Variants in NOL4 observed in about 807,000 individuals in gnomAD.
NOL4 encodes nucleolar protein 4, also known as cancer/testis antigen 125.
In NOL4, 17 loss-of-function variants were observed where a neutral mutation model predicts 75.9. The observed-to-expected ratio is 0.22, with a 90% CI of 0.15 to 0.34. NOL4 has a LOEUF of 0.34. Ranked by LOEUF, NOL4 falls within the 10% of genes least tolerant of loss-of-function variation. The probability of loss-of-function intolerance (pLI) is 1.00; values close to 1 mark genes in which losing one functional copy is unlikely to be tolerated. For synonymous variants in NOL4, 292 were observed against 289.9 expected, an observed-to-expected ratio of 1.01 and a Z score of -0.07; for missense variants, 614 against 793.5, an observed-to-expected ratio of 0.77 and a Z score of 2.72.
chr18:34,223,341 C>A lies in NOL4; in HGVS notation c.-88G>T. ...CTCATGAAAAATGCAGCCCCGGCCA[C>A]GTTGCAGGGATGCGAGGTCCCGGCC... On this transcript the variant is annotated 5_prime_UTR_variant, in exon 1 of 11. Coordinates refer to ENST00000261592, the MANE Select transcript of NOL4 (RefSeq NM_003787.5). 6.5e-7 allele frequency: 1 copy of A among 1,531,548 alleles called. No homozygotes were observed. Among genetic ancestry groups the A allele is most frequent in the East Asian group, 2.3e-5 (1 of 44,172 alleles). 94.9% of individuals were successfully genotyped at this position (1,531,548 alleles called of 1,614,324 possible).
At chr18:33,966,824 CAG>C (rs1462204507) in intron 6 of NOL4, among the ~76,000 whole-genome samples, 83 of 152,120 alleles carry the variant, frequency 5.5e-4, no homozygotes, top group Non-Finnish European at 5.9e-5. Flanking sequence ...TTAAAGAAAT[CAG>C]AGATGACATA....
intron 1 of NOL4, among the ~76,000 whole-genome samples, chr18:34,217,776 A>G (rs1448363160): frequency 1.3e-5 from 2 of 151,986 alleles, no homozygotes; most frequent in Non-Finnish European, 1.5e-5. Flanking sequence ...GTATGTGTAT[A>G]TATGTGTGCA....
chr18:33,973,156 GTTTGTTTA>G (rs1394899030), intron 6 of NOL4, among the ~76,000 whole-genome samples: 1 of 152,144 alleles, frequency 6.6e-6, no homozygotes, highest in East Asian at 1.9e-4. Context: ...AAATCTTTTT[GTTTGTTTA>G]TTTGTTTGTT....
intron 2 of NOL4, among the ~76,000 whole-genome samples, chr18:34,105,795 T>A (rs1172840245): frequency 1.3e-5 from 2 of 152,064 alleles, no homozygotes; most frequent in Non-Finnish European, 2.9e-5. Flanking sequence ...TAGCTCACAC[T>A]GACTGTCAGA....
intron 5 of NOL4, among the ~76,000 whole-genome samples, chr18:34,077,453 TCA>T (rs1438473734): frequency 1.3e-5 from 2 of 151,644 alleles, no homozygotes; most frequent in African/African-American, 2.4e-5. Context: ...ACACACACAA[TCA>T]CACACACATA....
At chr18:33,869,570 T>C (rs868479304) in intron 10 of NOL4, among the ~76,000 whole-genome samples, 2 of 152,022 alleles carry the variant, frequency 1.3e-5, no homozygotes, top group African/African-American at 4.8e-5. Context: ...ATCACTAAAC[T>C]AAACCAAAGG....
intron 9 of NOL4, among the ~76,000 whole-genome samples, chr18:33,913,189 C>T (rs1054429215): frequency 6.6e-6 from 1 of 151,776 alleles, no homozygotes; most frequent in African/African-American, 2.4e-5. Context: ...TGAAATTGTT[C>T]AAATTATCTT....
rs760492526 is a variant in NOL4, at chr18:33,958,303, T to C, written c.1172A>G (p.His391Arg). ...GDEDEDDHEDHDDSEKVNETD... is the reference protein window; with the variant it reads ...GDEDEDDHEDRDDSEKVNETD... ...CTCATTAACTTTCTCCGAATCGTCA[T>C]GGTCCTCGTGGTCATCTTCGTCCTC... Residue 391 changes from histidine to arginine, a missense_variant, in exon 7 of 11, where the codon CAT becomes CGT. Physicochemically the swap from His to Arg is conservative, Grantham distance 29. Coordinates refer to ENST00000261592, the MANE Select transcript of NOL4 (RefSeq NM_003787.5). 5 of 1,613,802 alleles carry C rather than the reference T, an allele frequency of 3.1e-6. No individual in the cohort carries two copies. In the South Asian group the frequency reaches 3.3e-5, roughly 11 times the overall value.
At chr18:34,009,173 G>C (rs2074231859) in intron 6 of NOL4, among the ~76,000 whole-genome samples, 1 of 151,800 alleles carries the variant, frequency 6.6e-6, no homozygotes, top group African/African-American at 2.4e-5. Context: ...AAGGAGCAGA[G>C]ATAAGACATC....
chr18:34,065,496 C>T (rs1202429324), intron 5 of NOL4, among the ~76,000 whole-genome samples: 1 of 151,758 alleles, frequency 6.6e-6, no homozygotes, highest in African/African-American at 2.4e-5. Context: ...AGTAACTACC[C>T]AATAATTTCA....
chr18:34,023,401 A>T (rs1344186980), intron 5 of NOL4: 1 of 456,138 alleles, frequency 2.2e-6, no homozygotes, highest in East Asian at 7.0e-5. Flanking sequence ...ACCAATTCAT[A>T]TCAGGTCATC....
intron 5 of NOL4, among the ~76,000 whole-genome samples, chr18:34,052,233 T>C (rs1207993910): frequency 6.6e-6 from 1 of 151,948 alleles, no homozygotes; most frequent in African/African-American, 2.4e-5. Context: ...TGCTCAAAAA[T>C]ATTCCTTTAG....
At chr18:34,184,175 G>A (rs2034273322) in intron 1 of NOL4, among the ~76,000 whole-genome samples, 4 of 151,582 alleles carry the variant, frequency 2.6e-5, no homozygotes. Context: ...TAATTTCAAA[G>A]CTTCAGCCGA....
chr18:34,045,799 A>G (rs1457338899), intron 5 of NOL4, among the ~76,000 whole-genome samples: 2 of 152,182 alleles, frequency 1.3e-5, no homozygotes, highest in Admixed American at 6.6e-5. Context: ...ATAGTATTGA[A>G]TCAAATATGC....
chr18:33,941,077 A>G (rs2068448066), intron 9 of NOL4, among the ~76,000 whole-genome samples: 1 of 152,030 alleles, frequency 6.6e-6, no homozygotes, highest in African/African-American at 2.4e-5. Flanking sequence ...GAGATATTAA[A>G]GCAAATAACA....
At chr18:33,859,747 A>T (rs1567966017) in intron 10 of NOL4, among the ~76,000 whole-genome samples, 1 of 151,898 alleles carries the variant, frequency 6.6e-6, no homozygotes, top group South Asian at 2.1e-4. Flanking sequence ...GGTGAAACCT[A>T]GTCTTTACTA....
chr18:34,015,340 C>T (rs982264527), intron 6 of NOL4, among the ~76,000 whole-genome samples: 1 of 151,940 alleles, frequency 6.6e-6, no homozygotes, highest in Non-Finnish European at 1.5e-5. Context: ...GTTTCTTCTG[C>T]CATGTGATTT....
intron 5 of NOL4, among the ~76,000 whole-genome samples, chr18:34,073,789 C>T (rs564810632): frequency 5.3e-5 from 8 of 151,970 alleles, no homozygotes; most frequent in African/African-American, 1.9e-4. Context: ...AAATAAAAAA[C>T]TAGGCATTTG....
At chr18:34,056,896 C>T (rs2076855806) in intron 5 of NOL4, among the ~76,000 whole-genome samples, 1 of 152,160 alleles carries the variant, frequency 6.6e-6, no homozygotes, top group Admixed American at 6.5e-5. Context: ...ATCTTGCCAA[C>T]ATCACTTTCT....
Sources: gnomAD v4.1 joint callset for allele counts (sites outside exome capture counted in the v4.1 genomes callset) on GRCh38, gnomAD v4.1.1 for gene constraint, MANE v1.5 for transcripts, NCBI Gene and HGNC (gene_info 2026-07-23, HGNC 2026-07-21) for gene names.